ABCB5: variants seen among roughly 807,000 people sequenced by gnomAD.
ABCB5 encodes the protein ATP binding cassette subfamily B member 5, also known as ATP-binding cassette sub-family B member 5.
A neutral mutation model predicts 144.2 loss-of-function variants in ABCB5; 155 were observed. The observed-to-expected ratio is 1.08, with a 90% confidence interval of 0.94 to 1.23. The LOEUF (loss-of-function observed/expected upper bound fraction) is 1.23. Ranked by LOEUF, ABCB5 falls within the 50% of genes most tolerant of loss-of-function variation. The pLI is 0.00. For synonymous variants in ABCB5, 610 were observed against 528.6 expected (o/e 1.15, Z -2.11); for missense variants, 1,830 against 1,520.8 (o/e 1.20, Z -3.38).
At chr7:20,749,305 G>A (rs1782840429) in intron 26 of ABCB5, among the ~76,000 whole-genome samples, 1 of 145,144 alleles carries the variant, frequency 6.9e-6, no homozygotes, top group South Asian at 2.3e-4. Flanking sequence ...TCAGCTCACT[G>A]CAGCCTTGAC....
chr7:20,660,825 C>A (rs1160567958), intron 14 of ABCB5, among the ~76,000 whole-genome samples: 1 of 152,160 alleles, frequency 6.6e-6, no homozygotes, highest in Non-Finnish European at 1.5e-5. Flanking sequence ...AGAATCTATA[C>A]CCACTTCACT....
chr7:20,714,858 A>G (rs1423001859), intron 20 of ABCB5, among the ~76,000 whole-genome samples: 1 of 152,134 alleles, frequency 6.6e-6, no homozygotes, highest in African/African-American at 2.4e-5. Context: ...ACTCTTGGAT[A>G]CTTTTAGAAA....
intron 5 of ABCB5, among the ~76,000 whole-genome samples, chr7:20,642,621 G>A (rs189522999): frequency 3.5e-4 from 54 of 152,144 alleles, no homozygotes; most frequent in African/African-American, 1.2e-3. Flanking sequence ...CACACATAGT[G>A]GGCACTCAGT....
In ABCB5 at chr7:20,643,347, A is replaced by T; in HGVS notation, c.478A>T (p.Ile160Phe). 6.2e-7 allele frequency: 1 copy of T among 1,613,990 alleles called. No homozygotes were observed. Among genetic ancestry groups the T allele is most frequent in the Non-Finnish European group, 8.5e-7 (1 of 1,179,896 alleles). ...CATCGGCTGGTTTGATAGCTGTGAC[A>T]TCGGTGAACTTAACACTCGCATGAC... ...QDIGWFDSCD[I>F]GELNTRMTDD... Residue 160 changes from isoleucine to phenylalanine, a missense_variant, in exon 6 of 28, where the codon ATC becomes TTC. By Grantham distance (21) the Ile-to-Phe change is conservative. Transcript: ENST00000404938.
intron 16 of ABCB5, among the ~76,000 whole-genome samples, chr7:20,688,992 A>G (rs967784735): frequency 7.9e-5 from 12 of 152,082 alleles, no homozygotes; most frequent in Non-Finnish European, 1.6e-4. Flanking sequence ...GGGGAGGGAT[A>G]GCATTAGGAG....
At chr7:20,621,732 G>A (rs1396649883) in intron 1 of ABCB5, among the ~76,000 whole-genome samples, 1 of 152,276 alleles carries the variant, frequency 6.6e-6, no homozygotes, top group South Asian at 2.1e-4. Context: ...ATCAGAGAAG[G>A]AGGTGATTTT....
chr7:20,659,747 A>G lies in ABCB5; in HGVS notation c.1707+1071A>G, dbSNP rs980250329. 2.5e-5 allele frequency: 25 copies of G among 985,672 alleles called. No individual in the cohort carries two copies. The African/African-American group carries it at 4.2e-4, about 17-fold the overall frequency. The allele number at this position is 985,672 out of a possible 1,614,324, so 61.1% of individuals were successfully genotyped here. On this transcript the variant is annotated intron_variant, in intron 14 of 27. Transcript: ENST00000404938. ...GACTATATTCAAGCCTCGCTCTGTC[A>G]CCCATGCTTGAGTGCAACCTCTGCC...
chr7:20,753,898 G>C (rs968835643), intron 27 of ABCB5, among the ~76,000 whole-genome samples: 1 of 152,136 alleles, frequency 6.6e-6, no homozygotes, highest in Non-Finnish European at 1.5e-5. Flanking sequence ...ACACTGCAGG[G>C]TCAGAGCCTG....
rs1396616079 is a variant in ABCB5 at position 20,681,586 on chromosome 7, G to T, written c.1789G>T (p.Asp597Tyr). Reference sequence around the variant, plus strand: ...TGCAGATTTGATTGTGACCCTAAAGGATGGAATGCTGGCGGAGAAAGGAGC... The same window carrying T: ...TGCAGATTTGATTGTGACCCTAAAGTATGGAATGCTGGCGGAGAAAGGAGC... ...RSADLIVTLK[D>Y]GMLAEKGAHA... The change falls in exon 15 of 28, where the codon GAT (aspartate) becomes TAT (tyrosine). Residue 597 changes from aspartate (D) to tyrosine (Y), a missense_variant. Coordinates refer to ENST00000404938, the MANE Select transcript of ABCB5 (RefSeq NM_001163941.2). 6.2e-7 allele frequency: 1 copy of T among 1,614,060 alleles called. No individual in the cohort carries two copies. Among genetic ancestry groups the T allele is most frequent in the African/African-American group, 1.3e-5 (1 of 74,916 alleles).
intron 13 of ABCB5, 22 bp from the exon 14 acceptor site, chr7:20,658,484 C>T: frequency 1.9e-6 from 3 of 1,609,368 alleles, no homozygotes; most frequent in Admixed American, 1.7e-5. Flanking sequence ...TGTTTCTGTG[C>T]TTCTTTCCTA....
Position 20,674,749 on chromosome 7 carries a change from TAC to T in ABCB5, c.1708-6722_1708-6721del, listed in dbSNP as rs71555815. 9.1e-3 allele frequency among the ~76,000 whole-genome samples: 1,269 copies of T among 140,158 alleles called. 7 individuals carry two copies. The highest frequency in any genetic ancestry group is 0.021 in the African/African-American group (798 of 38,154). 91.9% of individuals were successfully genotyped at this position (140,158 alleles called of 152,430 possible). On this transcript the variant is annotated intron_variant, in intron 14 of 27. Coordinates refer to ENST00000404938, the MANE Select transcript of ABCB5 (RefSeq NM_001163941.2). ...CTTAAAATTTGAAAACTCTAAAGACTACACACACACACACACACACACACACA... is the reference window on the plus strand; with the variant it reads ...CTTAAAATTTGAAAACTCTAAAGACTACACACACACACACACACACACACA...
Position 20,685,837 on chromosome 7 carries a change from G to A in ABCB5, c.2010+1G>A. Reference sequence around the variant, plus strand: ...TGAGGAATCCACCCAATCTAAAGAGGTAATGGCTCAGCGATCAACCAGTTT... The same window carrying A: ...TGAGGAATCCACCCAATCTAAAGAGATAATGGCTCAGCGATCAACCAGTTT... On this transcript the variant is annotated splice_donor_variant, in intron 16 of 27. Coordinates refer to ENST00000404938, the MANE Select transcript of ABCB5 (RefSeq NM_001163941.2). LOFTEE classifies it high-confidence loss of function. 6.3e-7 allele frequency: 1 copy of A among 1,584,638 alleles called. No individual in the cohort carries two copies. The highest frequency in any genetic ancestry group is 8.5e-7 in the Non-Finnish European group (1 of 1,170,418).
At chr7:20,652,051 T>G (rs1030667846) in intron 13 of ABCB5, among the ~76,000 whole-genome samples, 4 of 151,940 alleles carry the variant, frequency 2.6e-5, no homozygotes, top group Non-Finnish European at 5.9e-5. Flanking sequence ...GTTCTGCAAT[T>G]GAAAAAGAAA....
At position 20,745,021 on chromosome 7, in the gene ABCB5, C is replaced by T. The variant is rs115211433; in HGVS notation, c.3223-211C>T. 6.1e-3 allele frequency among the ~76,000 whole-genome samples: 925 copies of T among 152,314 alleles called. 6 individuals carry two copies. The highest frequency in any genetic ancestry group is 0.021 in the African/African-American group (880 of 41,558). ...TACTGGGCTTTCAGAAAGTCAGGTC[C>T]TGTTACAGTGGAGGGGGCAGTAGTG... is the stretch of plus-strand genomic sequence containing the variant. On this transcript the variant is annotated intron_variant, in intron 25 of 27. Coordinates refer to ENST00000404938, the MANE Select transcript of ABCB5 (RefSeq NM_001163941.2).
intron 23 of ABCB5, among the ~76,000 whole-genome samples, chr7:20,731,325 C>T (rs1361321139): frequency 2.0e-5 from 3 of 147,160 alleles, no homozygotes; most frequent in Non-Finnish European, 4.4e-5. Context: ...TGCACTCCAG[C>T]CTGGGCAACA....
At chr7:20,728,158 T>TA (rs11334703) in intron 22 of ABCB5, among the ~76,000 whole-genome samples, 157 bp from the exon 23 acceptor site, 2 of 150,454 alleles carry the variant, frequency 1.3e-5, no homozygotes, top group Non-Finnish European at 3.0e-5. Context: ...TTCTCAGTAG[T>TA]AAAAAAAAAA....
chr7:20,694,823 T>TA lies in ABCB5; in HGVS notation c.2011-3577dup, dbSNP rs1786353089. 4.0e-5 allele frequency among the ~76,000 whole-genome samples: 6 copies of TA among 151,756 alleles called. 1 individual carries two copies. In the South Asian group the frequency reaches 8.3e-4, roughly 21 times the overall value. On this transcript the variant is annotated intron_variant, in intron 16 of 27. Transcript: ENST00000404938. ...CAAGTGGGAAGTGGGAAATTAAAAA[T>TA]AAAAAAATAATTTTATGTACAATAG...
rs116463779 is a variant in ABCB5, at chr7:20,643,923, T to G, written c.678+291T>G. 5.9e-3 allele frequency among the ~76,000 whole-genome samples: 905 copies of G among 152,356 alleles called. 8 individuals carry two copies. The highest frequency in any genetic ancestry group is 0.021 in the African/African-American group (868 of 41,588). ...GTAGCATGGATAAAGTATGATGTCC[T>G]TATACATGTGATGTTTAGTTGTTGC... On this transcript the variant is annotated intron_variant, in intron 7 of 27. Transcript: ENST00000404938.
intron 14 of ABCB5, among the ~76,000 whole-genome samples, chr7:20,667,856 C>G (rs867455874): frequency 5.5e-5 from 8 of 145,822 alleles, no homozygotes; most frequent in Admixed American, 2.7e-4. Context: ...CGAGTGCCTG[C>G]GATTGCAGGC....
Sources: gnomAD v4.1 joint callset for allele counts (sites outside exome capture counted in the v4.1 genomes callset) on GRCh38, gnomAD v4.1.1 for gene constraint, MANE v1.5 for transcripts, NCBI Gene and HGNC (gene_info 2026-07-23, HGNC 2026-07-21) for gene names.